Variants in SLC25A33 observed in about 807,000 individuals in gnomAD.
SLC25A33 encodes solute carrier family 25 member 33.
A neutral mutation model predicts 35.5 loss-of-function variants in SLC25A33; 15 were observed. The observed-to-expected ratio is 0.42, with a 90% confidence interval of 0.28 to 0.65. SLC25A33 has a LOEUF of 0.65. Among genes scored for constraint, SLC25A33 ranks in the 30% least tolerant of loss-of-function variants. The pLI is 0.20. For missense variants in SLC25A33, 257 were observed against 398.5 expected (o/e 0.64, Z 3.02); for synonymous variants, 136 against 148.7 (o/e 0.91, Z 0.62).
intron 1 of SLC25A33, among the ~76,000 whole-genome samples, chr1:9,547,929 G>T (rs112225553): frequency 9.7e-4 from 147 of 151,866 alleles, no homozygotes; most frequent in African/African-American, 3.5e-3. Context: ...ACTGCTCACT[G>T]CAGCCTTGAC....
rs1369890557 is a variant in SLC25A33 at position 9,539,476 on chromosome 1, G to C, written c.-216G>C. ...GCGCGCCGGGCTCTAGCTCCCCGCC[G>C]GGCTCGCGCCGCAGAGGCCGGTGAG... On this transcript the variant is annotated 5_prime_UTR_variant, in exon 1 of 7. Transcript: ENST00000302692. 3 of 188,630 alleles carry C rather than the reference G, an allele frequency of 1.6e-5. No individual in the cohort carries two copies. Among genetic ancestry groups the C allele is most frequent in the Admixed American group, 6.1e-5 (1 of 16,336 alleles). 11.7% of individuals were successfully genotyped at this position (188,630 alleles called of 1,614,324 possible). A position where few individuals can be genotyped will look rare whatever the true frequency, so the allele number is the denominator to read the frequency against.
At chr1:9,542,808 C>CTTTATT (rs1292376820) in intron 1 of SLC25A33, among the ~76,000 whole-genome samples, 1 of 152,194 alleles carries the variant, frequency 6.6e-6, no homozygotes, top group Non-Finnish European at 1.5e-5. Context: ...ACAAGCATTT[C>CTTTATT]TTTATTTTTA....
At chr1:9,566,889 G>A (rs1027821146) in intron 2 of SLC25A33, among the ~76,000 whole-genome samples, 1 of 151,860 alleles carries the variant, frequency 6.6e-6, no homozygotes, top group Admixed American at 6.6e-5. Context: ...TTAGCTGGGT[G>A]TGGTGGTGAG....
rs142827363 is a variant in SLC25A33 at position 9,544,451 on chromosome 1, T to C, written c.56+4704T>C. The stretch of plus-strand genomic sequence containing the variant: ...GCCCGGCTGTTTTTTGTATTTTTAG[T>C]AGAGACCAGGTTTCACCATGTTGGC... On this transcript the variant is annotated intron_variant, in intron 1 of 6. Transcript: ENST00000302692. 6.8e-3 allele frequency among the ~76,000 whole-genome samples: 1,027 copies of C among 152,034 alleles called. 10 individuals are homozygous for C. Among genetic ancestry groups the C allele is most frequent in the African/African-American group, 0.024 (984 of 41,468 alleles).
At chr1:9,574,000 T>G (rs1643627180) in intron 5 of SLC25A33, among the ~76,000 whole-genome samples, 1 of 152,154 alleles carries the variant, frequency 6.6e-6, no homozygotes, top group African/African-American at 2.4e-5. Context: ...TTGTTTTGTT[T>G]TTTTGTTTTG....
rs1643763724 is a variant in SLC25A33 at position 9,582,778 on chromosome 1, T to A, written c.*277T>A. The stretch of plus-strand genomic sequence containing the variant: ...ATGCTATTTAATTTAAGTATACATT[T>A]GGCTTGTGTCCTCTTTTATGCTCAC... On this transcript the variant is annotated 3_prime_UTR_variant, in exon 7 of 7. Transcript: ENST00000302692. This position sits in a 1 kb window ranked among gnomAD's most constrained non-coding sequence, Gnocchi z 4.0. 2.5e-6 allele frequency: 1 copy of A among 407,872 alleles called. No individual in the cohort carries two copies. 25.3% of individuals were successfully genotyped at this position (407,872 alleles called of 1,614,324 possible). A position where few individuals can be genotyped will look rare whatever the true frequency, so the allele number is the denominator to read the frequency against.
chr1:9,570,152 C>A, intron 3 of SLC25A33, 106 bp from the exon 4 acceptor site: 2 of 925,324 alleles, frequency 2.2e-6, no homozygotes, highest in Non-Finnish European at 1.7e-6. Context: ...TAGTACATGG[C>A]AGCATCTTTC....
chr1:9,558,049 T>G (rs1195379635), intron 2 of SLC25A33, among the ~76,000 whole-genome samples: 2 of 152,244 alleles, frequency 1.3e-5, no homozygotes, highest in African/African-American at 2.4e-5. Context: ...TTGCACAACC[T>G]TAGCAGATGA....
intron 1 of SLC25A33, among the ~76,000 whole-genome samples, chr1:9,544,978 T>A (rs567142638): frequency 9.1e-4 from 138 of 152,328 alleles, no homozygotes; most frequent in South Asian, 1.9e-3. Flanking sequence ...TTACTTTTTT[T>A]AAAATCCCAG....
At chr1:9,570,465 A>C in intron 4 of SLC25A33, 107 bp downstream of exon 4, 1 of 960,710 alleles carries the variant, frequency 1.0e-6, no homozygotes, top group Non-Finnish European at 1.6e-6. Flanking sequence ...CTTCCTTTGC[A>C]CCTAAAATTG....
At chr1:9,554,697 A>G (rs1643316464) in intron 2 of SLC25A33, among the ~76,000 whole-genome samples, 1 of 152,194 alleles carries the variant, frequency 6.6e-6, no homozygotes. Flanking sequence ...TTAAATGTGT[A>G]GAAAAGTTAT....
intron 2 of SLC25A33, among the ~76,000 whole-genome samples, chr1:9,559,085 C>G (rs995735434): frequency 6.6e-6 from 1 of 152,188 alleles, no homozygotes; most frequent in Admixed American, 6.5e-5. Flanking sequence ...GCACGGCTGA[C>G]GTCCGCTGTC....
intron 5 of SLC25A33, among the ~76,000 whole-genome samples, chr1:9,579,570 G>T (rs1370489460): frequency 6.6e-6 from 1 of 152,138 alleles, no homozygotes; most frequent in South Asian, 2.1e-4. Context: ...TACCCTCCCC[G>T]GGGGCCACCC....
chr1:9,546,630 T>G (rs1426805863), intron 1 of SLC25A33, among the ~76,000 whole-genome samples: 2 of 152,258 alleles, frequency 1.3e-5, no homozygotes, highest in Admixed American at 6.5e-5. Flanking sequence ...AGATTATTTA[T>G]GTTAGTAAAA....
chr1:9,560,950 C>CTTT, intron 2 of SLC25A33, among the ~76,000 whole-genome samples: 1 of 135,800 alleles, frequency 7.4e-6, no homozygotes. Context: ...GAGACACATT[C>CTTT]TTTTTTTTTT....
chr1:9,579,439 A>C (rs1022607128), intron 5 of SLC25A33, among the ~76,000 whole-genome samples: 5 of 151,996 alleles, frequency 3.3e-5, no homozygotes, highest in African/African-American at 1.2e-4. Context: ...AATGTGCTGG[A>C]GTGGCTCACA....
At chr1:9,554,045 C>G (rs973410575) in intron 2 of SLC25A33, among the ~76,000 whole-genome samples, 1 of 152,114 alleles carries the variant, frequency 6.6e-6, no homozygotes, top group Non-Finnish European at 1.5e-5. Context: ...CAAAGCAAAC[C>G]AAAAATCCAC....
intron 2 of SLC25A33, among the ~76,000 whole-genome samples, chr1:9,561,044 G>C (rs1031535687): frequency 6.6e-6 from 1 of 151,502 alleles, no homozygotes; most frequent in African/African-American, 2.4e-5. Flanking sequence ...CTGTCTCCCG[G>C]ATTCAAGCGA....
intron 1 of SLC25A33, among the ~76,000 whole-genome samples, chr1:9,543,131 T>TTTTA (rs57265571): frequency 0.03 from 4,541 of 151,266 alleles, 131 homozygotes; most frequent in Admixed American, 0.078. Flanking sequence ...GAAAAAGTAT[T>TTTTA]TTTATTTATT....
Sources: allele counts gnomAD v4.1 joint callset (sites outside exome capture counted in the v4.1 genomes callset), GRCh38; gene constraint gnomAD v4.1.1; non-coding constraint Gnocchi (gnomAD v3.1); transcripts MANE v1.5; gene names NCBI Gene and HGNC (gene_info 2026-07-23, HGNC 2026-07-21).